DTD1: variants seen among roughly 807,000 people sequenced by gnomAD.
The protein encoded by DTD1 is D-aminoacyl-tRNA deacylase 1, also known as D-tyrosyl-tRNA deacylase 1 homolog.
DTD1 carries 13 observed loss-of-function variants against 25.6 expected under a neutral mutation model. That is an observed-to-expected ratio of 0.51 (90% CI 0.33 to 0.81). The LOEUF is 0.81. Ranked by LOEUF, DTD1 falls within the 30% of genes least tolerant of loss-of-function variation. The pLI is 0.02. For missense variants in DTD1, 193 were observed against 266.4 expected (o/e 0.72, Z 1.92); for synonymous variants, 110 against 103.6 (o/e 1.06, Z -0.37).
At chr20:18,599,578 T>C (rs555217517) in intron 3 of DTD1, among the ~76,000 whole-genome samples, 6 of 152,324 alleles carry the variant, frequency 3.9e-5, no homozygotes, top group Non-Finnish European at 5.9e-5. Flanking sequence ...GTATGTTTAG[T>C]TTGTTAAGAA....
In DTD1 at chr20:18,658,189, A is replaced by ATGTGTGTGTGTGTG. The variant is rs60197503; in HGVS notation, c.477+29982_477+29995dup. On this transcript the variant is annotated intron_variant, in intron 4 of 5. Coordinates refer to ENST00000377452, the MANE Select transcript of DTD1 (RefSeq NM_080820.6). ...TAGGCAGAGGGCATAAGAGTCTGAGATGTGTGTGTGTGTGTGTGTGTGTGT... is the reference window on the plus strand; with the variant it reads ...TAGGCAGAGGGCATAAGAGTCTGAGATGTGTGTGTGTGTGTGTGTGTGTGTGTGTGTGTGTGTGT... Among the ~76,000 whole-genome samples, 9 of 146,232 alleles carry ATGTGTGTGTGTGTG rather than the reference A, an allele frequency of 6.2e-5. No individual in the cohort carries two copies. The South Asian group carries it at 6.7e-4, about 11-fold the overall frequency.
At chr20:18,736,609 C>G (rs368812730) in intron 4 of DTD1, among the ~76,000 whole-genome samples, 1 of 152,374 alleles carries the variant, frequency 6.6e-6, no homozygotes, top group African/African-American at 2.4e-5. Context: ...GCCACCCCCT[C>G]TCCTTGCCCT....
chr20:18,662,974 G>A (rs1372401553), intron 4 of DTD1, among the ~76,000 whole-genome samples: 1 of 152,116 alleles, frequency 6.6e-6, no homozygotes, highest in Non-Finnish European at 1.5e-5. Context: ...AGGGTCCAGG[G>A]CCTGGAGAGG....
chr20:18,633,948 A>G (rs2060797907), intron 4 of DTD1, among the ~76,000 whole-genome samples: 1 of 152,192 alleles, frequency 6.6e-6, no homozygotes, highest in African/African-American at 2.4e-5. Context: ...GTTTCATGCT[A>G]TGTCCTGGCA....
rs113489310 is a variant in DTD1 at position 18,676,727 on chromosome 20, T to G, written c.477+48494T>G. On this transcript the variant is annotated intron_variant, in intron 4 of 5. Transcript: ENST00000377452. ...TGTCCTGACTGTCTTCACCGACGGC[T>G]GCTGCTTGTAGGATCACATTTTGGT... Among the ~76,000 whole-genome samples the G allele has an allele frequency of 5.2e-3, 791 of 152,336 alleles. 6 individuals are homozygous for G. Among genetic ancestry groups the G allele is most frequent in the Middle Eastern group, 0.044 (13 of 294 alleles).
chr20:18,616,766 C>T (rs1307702740), intron 3 of DTD1, among the ~76,000 whole-genome samples: 1 of 152,194 alleles, frequency 6.6e-6, no homozygotes, highest in Non-Finnish European at 1.5e-5. Flanking sequence ...ATGATCACAC[C>T]ACTGCACTCT....
chr20:18,745,388 G>C (rs1339672495), intron 5 of DTD1, among the ~76,000 whole-genome samples: 1 of 152,196 alleles, frequency 6.6e-6, no homozygotes, highest in Non-Finnish European at 1.5e-5. Flanking sequence ...CAAATACTGG[G>C]TGCAGATTTG....
chr20:18,741,517 C>T (rs948316463), intron 4 of DTD1, among the ~76,000 whole-genome samples: 4 of 152,130 alleles, frequency 2.6e-5, no homozygotes, highest in African/African-American at 9.7e-5. Context: ...TATATTCATT[C>T]CACTAAGATC....
chr20:18,637,555 GT>G (rs1261770212), intron 4 of DTD1, among the ~76,000 whole-genome samples: 4 of 152,174 alleles, frequency 2.6e-5, no homozygotes, highest in Non-Finnish European at 5.9e-5. Context: ...GTAATTTATA[GT>G]TTTCTTGGCT....
chr20:18,601,482 G>T (rs1252363336), intron 3 of DTD1, among the ~76,000 whole-genome samples: 7 of 137,960 alleles, frequency 5.1e-5, no homozygotes, highest in African/African-American at 1.9e-4. Context: ...TTGGATGACA[G>T]AGCGGGACTC....
intron 4 of DTD1, among the ~76,000 whole-genome samples, chr20:18,677,825 G>A (rs1261440135): frequency 2.0e-5 from 3 of 151,732 alleles, no homozygotes; most frequent in Non-Finnish European, 2.9e-5. Context: ...GACAAAGTTC[G>A]GGACTATCTA....
chr20:18,696,295 G>A (rs1192481474), intron 4 of DTD1, among the ~76,000 whole-genome samples: 1 of 152,100 alleles, frequency 6.6e-6, no homozygotes, highest in Non-Finnish European at 1.5e-5. Context: ...CTGTCTCGGA[G>A]TCTCATTGTA....
chr20:18,608,668 A>C (rs142371924), intron 3 of DTD1, among the ~76,000 whole-genome samples: 1 of 152,352 alleles, frequency 6.6e-6, no homozygotes, highest in South Asian at 2.1e-4. Flanking sequence ...ATACTTAACA[A>C]TTCGGACCAG....
At chr20:18,671,698 A>G (rs569646524) in intron 4 of DTD1, among the ~76,000 whole-genome samples, 8 of 152,306 alleles carry the variant, frequency 5.3e-5, no homozygotes, top group African/African-American at 1.4e-4. Flanking sequence ...GATGACTTCC[A>G]GGACATGTAT....
At chr20:18,711,644 C>T (rs537347010) in intron 4 of DTD1, among the ~76,000 whole-genome samples, 5 of 152,024 alleles carry the variant, frequency 3.3e-5, no homozygotes, top group Middle Eastern at 3.4e-3. Flanking sequence ...GTTTTTTTCT[C>T]GTGAGCTGTT....
intron 4 of DTD1, among the ~76,000 whole-genome samples, chr20:18,739,049 G>A (rs1489458612): frequency 6.6e-6 from 1 of 151,870 alleles, no homozygotes; most frequent in Non-Finnish European, 1.5e-5. Flanking sequence ...TCAGGCCTTA[G>A]GTGGAGCTTG....
intron 5 of DTD1, among the ~76,000 whole-genome samples, chr20:18,751,636 G>A (rs2061321577): frequency 6.6e-6 from 1 of 152,034 alleles, no homozygotes; most frequent in Non-Finnish European, 1.5e-5. Flanking sequence ...GAGATTAAAG[G>A]CATGCACCAA....
intron 4 of DTD1, among the ~76,000 whole-genome samples, chr20:18,689,130 G>A (rs370813013): frequency 1.6e-4 from 25 of 152,238 alleles, no homozygotes; most frequent in African/African-American, 5.3e-4. Flanking sequence ...TTTTCCATTC[G>A]TTTTCGGAAT....
At chr20:18,747,279 C>A (rs1035439895) in intron 5 of DTD1, among the ~76,000 whole-genome samples, 2 of 152,144 alleles carry the variant, frequency 1.3e-5, no homozygotes, top group African/African-American at 4.8e-5. Context: ...TGAGTAAGTT[C>A]TATGGTTTTT....
Sources: allele counts gnomAD v4.1 joint callset (sites outside exome capture counted in the v4.1 genomes callset), GRCh38; gene constraint gnomAD v4.1.1; transcripts MANE v1.5; gene names NCBI Gene and HGNC (gene_info 2026-07-23, HGNC 2026-07-21).